The following TNS3 variants were observed in gnomAD, a reference collection of about 807,000 sequenced individuals.
The protein encoded by TNS3 is tensin 3.
In TNS3, 45 loss-of-function variants were observed where a neutral mutation model predicts 140.9. The observed-to-expected ratio is 0.32, with a 90% CI of 0.25 to 0.41. The LOEUF (loss-of-function observed/expected upper bound fraction) is 0.41, where lower values mean the gene tolerates loss of function less well. TNS3 is among the 10% of genes least tolerant of loss of function. The pLI is 1.00. For missense variants in TNS3, 1,716 were observed against 1,906.7 expected (o/e 0.90, Z 1.86); for synonymous variants, 815 against 788.4 (o/e 1.03, Z -0.56).
intron 4 of TNS3, among the ~76,000 whole-genome samples, chr7:47,469,744 C>T (rs1359669802): frequency 1.3e-5 from 2 of 152,068 alleles, no homozygotes; most frequent in African/African-American, 2.4e-5. Flanking sequence ...AAGGCCAGGG[C>T]GGGCGGATCA....
At position 47,481,494 on chromosome 7, in the gene TNS3, G is replaced by A. The variant is rs531551293; in HGVS notation, c.-114-353C>T. On this transcript the variant is annotated intron_variant, in intron 3 of 30. Coordinates refer to ENST00000311160, the MANE Select transcript of TNS3 (RefSeq NM_022748.12). ...GTCCGTGCTTGGGGAGCTTGGGAGC[G>A]GGGCCCAGAGAAGGAGGTGGAAGGC... is the stretch of plus-strand genomic sequence containing the variant. Among the ~76,000 whole-genome samples, 24 of 152,280 alleles carry A rather than the reference G, an allele frequency of 1.6e-4. No individual in the cohort carries two copies. In the South Asian group the frequency reaches 4.4e-3, roughly 28 times the overall value.
intron 16 of TNS3, among the ~76,000 whole-genome samples, chr7:47,393,498 G>A (rs959578417): frequency 6.6e-6 from 1 of 152,094 alleles, no homozygotes; most frequent in Non-Finnish European, 1.5e-5. Flanking sequence ...CTCAGATTCC[G>A]TGTGGCGGGT....
chr7:47,380,878 C>T (rs1347728357), intron 16 of TNS3, among the ~76,000 whole-genome samples: 1 of 152,248 alleles, frequency 6.6e-6, no homozygotes, highest in African/African-American at 2.4e-5. Context: ...CAGGCTTTCA[C>T]AGCAGGACAG....
intron 16 of TNS3, among the ~76,000 whole-genome samples, chr7:47,386,700 G>A (rs1034806241): frequency 6.6e-6 from 1 of 152,224 alleles, no homozygotes; most frequent in Non-Finnish European, 1.5e-5. Flanking sequence ...GTCCACAGGG[G>A]GAAAGGAGTG....
In TNS3 at chr7:47,481,031, G is replaced by A. The variant is rs576706177; in HGVS notation, c.-76+72C>T. 8.4e-6 allele frequency: 10 copies of A among 1,190,882 alleles called. No individual in the cohort carries two copies. In the East Asian group the frequency reaches 5.8e-4, roughly 69 times the overall value. 73.8% of individuals were successfully genotyped at this position (1,190,882 alleles called of 1,614,324 possible). ...GGAAGCCAAAAGATCCCCAAAGAGG[G>A]AGCAGCTTCAAGAAAGGACTTAGTC... On this transcript the variant is annotated intron_variant, in intron 4 of 30. Transcript: ENST00000311160.
intron 1 of TNS3, among the ~76,000 whole-genome samples, chr7:47,576,505 C>A (rs1800679084): frequency 6.6e-6 from 1 of 152,238 alleles, no homozygotes; most frequent in Non-Finnish European, 1.5e-5. Context: ...CTTTGATCTA[C>A]CTCCCAAATG....
intron 13 of TNS3, among the ~76,000 whole-genome samples, chr7:47,402,872 T>A (rs1028207328): frequency 6.6e-6 from 1 of 152,110 alleles, no homozygotes; most frequent in Non-Finnish European, 1.5e-5. Flanking sequence ...ACCAGAGATT[T>A]AAAAAAATAA....
chr7:47,404,223 T>C (rs1793318219), intron 13 of TNS3, among the ~76,000 whole-genome samples: 1 of 152,148 alleles, frequency 6.6e-6, no homozygotes, highest in Admixed American at 6.5e-5. Flanking sequence ...CAAAAGTACG[T>C]GGGTGTGATG....
rs894510464 is a variant in TNS3, at chr7:47,421,008, G to C, written c.473+3093C>G. On this transcript the variant is annotated intron_variant, in intron 10 of 30. Transcript: ENST00000311160. Reference sequence around the variant, plus strand: ...CCAAATGTGCATAGACAACATGACTGATGGTCTTAGGTGACTCCCACATGG... The same window carrying C: ...CCAAATGTGCATAGACAACATGACTCATGGTCTTAGGTGACTCCCACATGG... 2.6e-5 allele frequency among the ~76,000 whole-genome samples: 4 copies of C among 152,116 alleles called. No individual in the cohort carries two copies. In the South Asian group the frequency reaches 8.3e-4, roughly 32 times the overall value.
At chr7:47,355,238 G>A (rs760962234) in intron 17 of TNS3, among the ~76,000 whole-genome samples, 2 of 152,228 alleles carry the variant, frequency 1.3e-5, no homozygotes, top group Non-Finnish European at 2.9e-5. Context: ...CCGAGCCTGC[G>A]AGGCAGGAGG....
chr7:47,430,708 A>C (rs1361924791), intron 8 of TNS3, among the ~76,000 whole-genome samples: 2 of 151,108 alleles, frequency 1.3e-5, no homozygotes. Context: ...GGAGACTGAA[A>C]TCATATTCAG....
At chr7:47,508,370 G>A (rs1798492895) in intron 2 of TNS3, among the ~76,000 whole-genome samples, 1 of 152,216 alleles carries the variant, frequency 6.6e-6, no homozygotes, top group Admixed American at 6.5e-5. Context: ...CTTCTGATGG[G>A]CAAAACACAC....
intron 17 of TNS3, among the ~76,000 whole-genome samples, chr7:47,354,398 A>G (rs1342748320): frequency 6.6e-6 from 1 of 152,070 alleles, no homozygotes; most frequent in Non-Finnish European, 1.5e-5. Flanking sequence ...CCAAGGAGAA[A>G]GGGAACAAAA....
intron 13 of TNS3, among the ~76,000 whole-genome samples, chr7:47,402,025 AC>A (rs1445709567): frequency 1.3e-5 from 2 of 152,196 alleles, no homozygotes; most frequent in African/African-American, 4.8e-5. Context: ...ATGCCTCACA[AC>A]AGTAAATGAG....
intron 3 of TNS3, among the ~76,000 whole-genome samples, chr7:47,492,750 T>C (rs1045230485): frequency 3.3e-5 from 5 of 152,236 alleles, no homozygotes; most frequent in African/African-American, 1.2e-4. Flanking sequence ...TTTCCGAGGC[T>C]TTTAAAATGA....
intron 16 of TNS3, among the ~76,000 whole-genome samples, chr7:47,391,352 G>A (rs1033496343): frequency 1.3e-5 from 2 of 152,152 alleles, no homozygotes; most frequent in Non-Finnish European, 2.9e-5. Flanking sequence ...GTTTCTTCCT[G>A]CGCCCACCCC....
chr7:47,428,683 CTG>C (rs1429829056), intron 8 of TNS3, among the ~76,000 whole-genome samples: 2 of 152,206 alleles, frequency 1.3e-5, no homozygotes, highest in Non-Finnish European at 2.9e-5. Flanking sequence ...CTGGAAAAAA[CTG>C]TGCCAGGAGC....
At chr7:47,319,308 T>G (rs1177440762) in intron 20 of TNS3, among the ~76,000 whole-genome samples, 1 of 152,108 alleles carries the variant, frequency 6.6e-6, no homozygotes, top group Non-Finnish European at 1.5e-5. Flanking sequence ...CCCATGCCAG[T>G]GCATTCCTGT....
intron 1 of TNS3, among the ~76,000 whole-genome samples, chr7:47,553,104 C>T (rs927656494): frequency 2.0e-5 from 3 of 152,154 alleles, no homozygotes; most frequent in Non-Finnish European, 2.9e-5. Flanking sequence ...GGTGAGGAAG[C>T]GGCAGGAGAA....
Sources: gnomAD v4.1 joint callset for allele counts (sites outside exome capture counted in the v4.1 genomes callset) on GRCh38, gnomAD v4.1.1 for gene constraint, MANE v1.5 for transcripts, NCBI Gene and HGNC (gene_info 2026-07-23, HGNC 2026-07-21) for gene names.